PLXDC1: variants seen among roughly 807,000 people sequenced by gnomAD.
PLXDC1 encodes the protein plexin domain containing 1.
A neutral mutation model predicts 61.3 loss-of-function variants in PLXDC1; 39 were observed. The observed-to-expected ratio is 0.64, with a 90% CI of 0.49 to 0.83. PLXDC1 has a LOEUF of 0.83. Ranked by LOEUF, PLXDC1 falls within the 40% of genes least tolerant of loss-of-function variation. The pLI, the probability that PLXDC1 is intolerant of heterozygous loss-of-function variation, is 0.00. For synonymous variants in PLXDC1, 212 were observed against 254.5 expected, an observed-to-expected ratio of 0.83 and a Z score of 1.59; for missense variants, 596 against 666.5, an observed-to-expected ratio of 0.89 and a Z score of 1.17.
At chr17:39,097,896 T>G (rs1012499347) in intron 7 of PLXDC1, among the ~76,000 whole-genome samples, 4 of 106,784 alleles carry the variant, frequency 3.7e-5, no homozygotes, top group African/African-American at 7.4e-5. Context: ...AGCAAGACCC[T>G]GTCTATAAAA....
intron 2 of PLXDC1, among the ~76,000 whole-genome samples, chr17:39,133,021 C>G: frequency 6.6e-6 from 1 of 152,128 alleles, no homozygotes; most frequent in Non-Finnish European, 1.5e-5. Flanking sequence ...CCCTTCCCGC[C>G]ACTCTCCTCT....
chr17:39,076,095 AAAAAAAAAAGAAAG>A (rs1181501694), intron 11 of PLXDC1, among the ~76,000 whole-genome samples: 6,186 of 110,864 alleles, frequency 0.056, 425 homozygotes, highest in African/African-American at 0.16. Flanking sequence ...AAAAAAGAAA[AAAAAAAAAAGAAAG>A]AAAAAAGAAA....
chr17:39,134,264 A>G (rs963962565), intron 2 of PLXDC1, among the ~76,000 whole-genome samples: 49 of 151,364 alleles, frequency 3.2e-4, no homozygotes, highest in African/African-American at 1.1e-3. Flanking sequence ...AAAAAAAAAA[A>G]GAAAAGAAAA....
At chr17:39,104,808 C>T (rs1246939851) in intron 7 of PLXDC1, among the ~76,000 whole-genome samples, 1 of 152,052 alleles carries the variant, frequency 6.6e-6, no homozygotes, top group Non-Finnish European at 1.5e-5. Context: ...TGCTCAGATA[C>T]TGAATGCCTC....
At chr17:39,112,907 T>G (rs1910859222) in intron 2 of PLXDC1, 1 of 152,130 alleles carries the variant, frequency 6.6e-6, no homozygotes, top group Non-Finnish European at 1.5e-5. Context: ...TCCATCCTTT[T>G]GCATGCTGTA....
chr17:39,132,824 GA>G (rs1044351924), intron 2 of PLXDC1, among the ~76,000 whole-genome samples: 1 of 151,990 alleles, frequency 6.6e-6, no homozygotes, highest in Non-Finnish European at 1.5e-5. Context: ...TGTGTAGGGG[GA>G]GGCAAAAGGC....
intron 7 of PLXDC1, among the ~76,000 whole-genome samples, chr17:39,102,172 C>T (rs909341021): frequency 6.6e-6 from 1 of 152,118 alleles, no homozygotes; most frequent in Non-Finnish European, 1.5e-5. Flanking sequence ...CCAGCCTTTA[C>T]TGGGCACCCC....
intron 2 of PLXDC1, among the ~76,000 whole-genome samples, chr17:39,111,474 G>C (rs974671371): frequency 6.6e-6 from 1 of 152,106 alleles, no homozygotes; most frequent in African/African-American, 2.4e-5. Flanking sequence ...TAGTGGAGAC[G>C]GGGTTTTACC....
chr17:39,095,362 G>GCCCCCC (rs1309012754), intron 7 of PLXDC1, among the ~76,000 whole-genome samples: 1 of 1,670 alleles, frequency 6.0e-4, no homozygotes, highest in African/African-American at 1.4e-3. Flanking sequence ...GAATCCTTAC[G>GCCCCCC]CCCCGCCCCC....
intron 7 of PLXDC1, among the ~76,000 whole-genome samples, chr17:39,093,446 G>A (rs781084284): frequency 6.6e-6 from 1 of 152,178 alleles, no homozygotes; most frequent in Non-Finnish European, 1.5e-5. Flanking sequence ...TACGGGCACA[G>A]TGGCTCATGC....
chr17:39,081,676 CT>C (rs1909567408), intron 9 of PLXDC1, among the ~76,000 whole-genome samples: 1 of 150,624 alleles, frequency 6.6e-6, no homozygotes, highest in Admixed American at 6.6e-5. Context: ...GGTGCAGTGG[CT>C]CACACCTGTA....
chr17:39,087,975 T>C (rs1023846332), intron 7 of PLXDC1, among the ~76,000 whole-genome samples: 3 of 152,200 alleles, frequency 2.0e-5, no homozygotes, highest in Admixed American at 6.5e-5. Context: ...TCTCCTTGCC[T>C]CTGCGCCTTC....
chr17:39,129,711 G>GGAAAGAAAGAAA lies in PLXDC1; in HGVS notation c.255+9931_255+9942dup, dbSNP rs905924810. 2.0e-4 allele frequency among the ~76,000 whole-genome samples: 22 copies of GGAAAGAAAGAAA among 108,334 alleles called. 2 individuals carry two copies. The highest frequency in any genetic ancestry group is 6.7e-4 in the African/African-American group (19 of 28,252). The allele number at this position is 108,334 out of a possible 152,430, so 71.1% of individuals were successfully genotyped here. A position where few individuals can be genotyped will look rare whatever the true frequency, so the allele number is the denominator to read the frequency against. On this transcript the variant is annotated intron_variant, in intron 2 of 13. Coordinates refer to ENST00000315392, the MANE Select transcript of PLXDC1 (RefSeq NM_020405.5). ...AGAAAAGAAAGAAAGAAAGAAAGAA[G>GGAAAGAAAGAAA]GAAAGAAAGAAAGAAAGAAAAGAAA...
chr17:39,105,783 C>A (rs1467335799), intron 7 of PLXDC1, 71 bp downstream of exon 7: 4 of 928,762 alleles, frequency 4.3e-6, no homozygotes, highest in Non-Finnish European at 6.8e-6. Context: ...GCCATCCCCC[C>A]AGCAGCTCAG....
rs1249381083 is a variant in PLXDC1 at position 39,129,711 on chromosome 17, G to GAAAGAAAGAAAGAAA, written c.255+9942_255+9943insTTTCTTTCTTTCTTT. 6.5e-5 allele frequency among the ~76,000 whole-genome samples: 7 copies of GAAAGAAAGAAAGAAA among 108,334 alleles called. No individual in the cohort carries two copies. In the East Asian group the frequency reaches 2.1e-3, roughly 32 times the overall value. 71.1% of individuals were successfully genotyped at this position (108,334 alleles called of 152,430 possible). ...AGAAAAGAAAGAAAGAAAGAAAGAA[G>GAAAGAAAGAAAGAAA]GAAAGAAAGAAAGAAAGAAAAGAAA... On this transcript the variant is annotated intron_variant, in intron 2 of 13. Coordinates refer to ENST00000315392, the MANE Select transcript of PLXDC1 (RefSeq NM_020405.5).
intron 1 of PLXDC1, among the ~76,000 whole-genome samples, chr17:39,149,750 C>T (rs2045361987): frequency 6.6e-6 from 1 of 152,136 alleles, no homozygotes; most frequent in African/African-American, 2.4e-5. Flanking sequence ...ATCCTTGTTA[C>T]CTCCCAATTC....
intron 12 of PLXDC1, chr17:39,072,117 G>A: frequency 2.7e-6 from 1 of 364,730 alleles, no homozygotes; most frequent in Middle Eastern, 8.1e-4. Flanking sequence ...GATGGCCACA[G>A]GCCCCACCTA....
At chr17:39,096,244 G>C (rs537273657) in intron 7 of PLXDC1, among the ~76,000 whole-genome samples, 2 of 152,348 alleles carry the variant, frequency 1.3e-5, no homozygotes, top group Non-Finnish European at 2.9e-5. Context: ...CCACGGGGGA[G>C]AAGTAGGGGG....
intron 2 of PLXDC1, among the ~76,000 whole-genome samples, chr17:39,110,235 G>A (rs1910751083): frequency 6.6e-6 from 1 of 152,108 alleles, no homozygotes; most frequent in Admixed American, 6.5e-5. Context: ...AAACAGAGGA[G>A]CAGACACAGA....
Sources: allele counts gnomAD v4.1 joint callset (sites outside exome capture counted in the v4.1 genomes callset), GRCh38; gene constraint gnomAD v4.1.1; transcripts MANE v1.5; gene names NCBI Gene and HGNC (gene_info 2026-07-23, HGNC 2026-07-21).